The following PDE1A variants were observed in gnomAD, a reference collection of about 807,000 sequenced individuals.
PDE1A encodes the protein dual specificity calcium/calmodulin-dependent 3',5'-cyclic nucleotide phosphodiesterase 1A.
In PDE1A, 35 loss-of-function variants were observed where a neutral mutation model predicts 61.7. That is an observed-to-expected ratio of 0.57 (90% confidence interval 0.43 to 0.75). The LOEUF (loss-of-function observed/expected upper bound fraction) is 0.75. Among genes scored for constraint, PDE1A ranks in the 30% least tolerant of loss-of-function variants. The probability of loss-of-function intolerance (pLI) is 0.00; values close to 1 mark genes in which losing one functional copy is unlikely to be tolerated. For synonymous variants in PDE1A, 232 were observed against 213.2 expected (o/e 1.09, Z -0.77); for missense variants, 597 against 630.6 (o/e 0.95, Z 0.57).
chr2:182,469,865 G>A (rs1686915289), intron 2 of PDE1A, among the ~76,000 whole-genome samples: 1 of 151,874 alleles, frequency 6.6e-6, no homozygotes, highest in Admixed American at 6.6e-5. Context: ...AGGCTAAGGA[G>A]AGGAAGAGAG....
chr2:182,451,116 C>G (rs921116462), intron 2 of PDE1A, among the ~76,000 whole-genome samples: 1 of 18,274 alleles, frequency 5.5e-5, no homozygotes, highest in Non-Finnish European at 1.1e-4. Flanking sequence ...CGGTGGCTCA[C>G]GCCTGTAATC....
intron 7 of PDE1A, among the ~76,000 whole-genome samples, chr2:182,222,283 C>G (rs1274109343): frequency 6.6e-6 from 1 of 151,886 alleles, no homozygotes; most frequent in African/African-American, 2.4e-5. Flanking sequence ...ATGAAATAAC[C>G]CAGTCTGAAA....
chr2:182,369,633 G>A (rs554854237), intron 1 of PDE1A, among the ~76,000 whole-genome samples: 1 of 151,680 alleles, frequency 6.6e-6, no homozygotes, highest in Non-Finnish European at 1.5e-5. Flanking sequence ...AAATCCTGCA[G>A]CATAAGTCAA....
intron 2 of PDE1A, among the ~76,000 whole-genome samples, chr2:182,489,184 A>C (rs1449346095): frequency 6.6e-6 from 1 of 152,212 alleles, no homozygotes; most frequent in Non-Finnish European, 1.5e-5. Context: ...CAGGAAGAGC[A>C]AAGGGCAGAT....
intron 2 of PDE1A, among the ~76,000 whole-genome samples, chr2:182,484,330 T>C (rs539045126): frequency 6.6e-6 from 1 of 151,882 alleles, no homozygotes; most frequent in African/African-American, 2.4e-5. Context: ...AAATCATTAC[T>C]AAAATAGTAA....
the PDE1A span, among the ~76,000 whole-genome samples, chr2:182,570,109 T>C: frequency 3.9e-5 from 6 of 152,168 alleles, no homozygotes; most frequent in Admixed American, 2.0e-4. Context: ...ATTGTCTCTA[T>C]CTTATTCTAC....
At chr2:182,697,525 A>G in the PDE1A span, among the ~76,000 whole-genome samples, 1 of 152,226 alleles carries the variant, frequency 6.6e-6, no homozygotes, top group Non-Finnish European at 1.5e-5. Context: ...TTGGATTTAC[A>G]GAGAGGCCCC....
At chr2:182,531,824 A>G in the PDE1A span, among the ~76,000 whole-genome samples, 1 of 152,150 alleles carries the variant, frequency 6.6e-6, no homozygotes, top group Non-Finnish European at 1.5e-5. Flanking sequence ...TACATTAGGT[A>G]TATCTCCTAA....
chr2:182,536,894 G>A, the PDE1A span, among the ~76,000 whole-genome samples: 1 of 152,140 alleles, frequency 6.6e-6, no homozygotes, highest in Non-Finnish European at 1.5e-5. Flanking sequence ...CCACCATGCT[G>A]GAGAGTCCCT....
intron 1 of PDE1A, among the ~76,000 whole-genome samples, chr2:182,361,033 G>T (rs1009318716): frequency 2.0e-5 from 3 of 151,954 alleles, no homozygotes; most frequent in Non-Finnish European, 2.9e-5. Context: ...CTTGGGAAAG[G>T]GTTGAGTAAA....
chr2:182,664,154 A>C, the PDE1A span, among the ~76,000 whole-genome samples: 1 of 152,216 alleles, frequency 6.6e-6, no homozygotes, highest in Non-Finnish European at 1.5e-5. Flanking sequence ...ATAAATAAAA[A>C]TTTAAAAATC....
chr2:182,683,149 G>A, the PDE1A span, among the ~76,000 whole-genome samples: 2 of 149,648 alleles, frequency 1.3e-5, no homozygotes, highest in Non-Finnish European at 3.0e-5. Flanking sequence ...CTGGAGTGCA[G>A]TGGTGCGATC....
the PDE1A span, among the ~76,000 whole-genome samples, chr2:182,613,562 C>CAA: frequency 3.6e-3 from 335 of 94,120 alleles, 1 homozygote; most frequent in African/African-American, 0.012. Context: ...GACTCCATCT[C>CAA]AAAAAAAAAA....
chr2:182,347,744 T>C (rs986363569), intron 1 of PDE1A, among the ~76,000 whole-genome samples: 4 of 152,086 alleles, frequency 2.6e-5, no homozygotes, highest in Non-Finnish European at 4.4e-5. Flanking sequence ...AGAATGTATA[T>C]AAATAATTAT....
chr2:182,668,021 C>G, the PDE1A span, among the ~76,000 whole-genome samples: 1 of 152,134 alleles, frequency 6.6e-6, no homozygotes, highest in African/African-American at 2.4e-5. Flanking sequence ...CCCTTCCCAA[C>G]CCATGGACTT....
intron 1 of PDE1A, among the ~76,000 whole-genome samples, chr2:182,397,368 C>T (rs1478751681): frequency 6.6e-6 from 1 of 151,980 alleles, no homozygotes; most frequent in Non-Finnish European, 1.5e-5. Context: ...GTCATGATTG[C>T]CATATCCCCA....
intron 2 of PDE1A, among the ~76,000 whole-genome samples, chr2:182,466,533 G>A (rs1210501774): frequency 6.6e-6 from 1 of 152,066 alleles, no homozygotes; most frequent in African/African-American, 2.4e-5. Context: ...CACGAAGTAT[G>A]TTGGCAAAAT....
At chr2:182,377,431 A>G (rs1700477147) in intron 1 of PDE1A, among the ~76,000 whole-genome samples, 1 of 152,202 alleles carries the variant, frequency 6.6e-6, no homozygotes, top group Non-Finnish European at 1.5e-5. Context: ...CTTCCTGTAC[A>G]GCCTGCAGAA....
exon 1 of PDE1A, chr2:182,426,692 G>A (rs1445355750): frequency 6.2e-7 from 1 of 1,611,630 alleles, no homozygotes. Flanking sequence ...GAGGAAATGT[G>A]GAAGCTTATC....
Sources: allele counts gnomAD v4.1 joint callset (sites outside exome capture counted in the v4.1 genomes callset), GRCh38; gene constraint gnomAD v4.1.1; transcripts MANE v1.5; gene names NCBI Gene and HGNC (gene_info 2026-07-23, HGNC 2026-07-21).